Variants in PLA2R1 observed in about 807,000 individuals in gnomAD.
The protein encoded by PLA2R1 is secretory phospholipase A2 receptor.
Under a neutral mutation model 195.9 loss-of-function variants are expected in PLA2R1, and 158 were observed. The observed-to-expected ratio is 0.81, with a 90% CI of 0.71 to 0.92. The LOEUF (loss-of-function observed/expected upper bound fraction) is 0.92, where lower values mean the gene tolerates loss of function less well. Ranked by LOEUF, PLA2R1 falls within the 40% of genes least tolerant of loss-of-function variation. PLA2R1 has a pLI of 0.00. For synonymous variants in PLA2R1, 586 were observed against 598.2 expected (o/e 0.98, Z 0.30); for missense variants, 1,626 against 1,764.6 (o/e 0.92, Z 1.41).
intron 23 of PLA2R1, among the ~76,000 whole-genome samples, chr2:159,952,013 C>T (rs1687774211): frequency 6.6e-6 from 1 of 152,182 alleles, no homozygotes; most frequent in Admixed American, 6.5e-5. Context: ...CCTAATATTA[C>T]AGGTGCATAT....
chr2:160,050,481 ATATC>A (rs1035176957), intron 1 of PLA2R1, among the ~76,000 whole-genome samples: 2 of 152,120 alleles, frequency 1.3e-5, no homozygotes, highest in African/African-American at 2.4e-5. Flanking sequence ...TAGAAGTTTT[ATATC>A]TATCTACTAT....
At position 160,028,249 on chromosome 2, in the gene PLA2R1, T is replaced by C; in HGVS notation, c.1068A>G (p.Lys356=). 2.5e-6 allele frequency: 4 copies of C among 1,601,846 alleles called. No homozygotes were observed. The highest frequency in any genetic ancestry group is 2.6e-6 in the Non-Finnish European group (3 of 1,173,810). The change falls in exon 6 of 30, where the codon AAA becomes AAG. Residue 356 remains lysine (K), a synonymous_variant. Transcript: ENST00000283243. ...CESTLPYICK[K]YLNHIDHEIV... is the part of the protein sequence containing the mutation. The stretch of plus-strand genomic sequence containing the variant: ...TTTCATGATCAATGTGGTTTAGATA[T>C]TTTTTACATATATATGGCAAGGTGG...
chr2:160,056,212 TAGC>T (rs1695529305), intron 1 of PLA2R1, among the ~76,000 whole-genome samples: 2 of 152,176 alleles, frequency 1.3e-5, no homozygotes, highest in Non-Finnish European at 2.9e-5. Context: ...GGGGGAAATG[TAGC>T]AGCATGTCAT....
chr2:160,016,801 T>G, intron 8 of PLA2R1, 89 bp from the exon 9 acceptor site: 4 of 689,100 alleles, frequency 5.8e-6, no homozygotes, highest in Non-Finnish European at 5.3e-6. Flanking sequence ...ATATGATGAA[T>G]AATGTGCTCC....
At chr2:159,975,290 G>A (rs1203842335) in intron 17 of PLA2R1, among the ~76,000 whole-genome samples, 1 of 151,864 alleles carries the variant, frequency 6.6e-6, no homozygotes, top group Non-Finnish European at 1.5e-5. Flanking sequence ...ATACATTTTT[G>A]CATCTTTGAC....
At chr2:159,990,396 C>T (rs568231748) in intron 11 of PLA2R1, among the ~76,000 whole-genome samples, 1 of 152,310 alleles carries the variant, frequency 6.6e-6, no homozygotes, top group African/African-American at 2.4e-5. Flanking sequence ...ACCAAGTTAT[C>T]TATGCAAAAT....
In PLA2R1 at chr2:159,987,151, A is replaced by G; in HGVS notation, c.2037+5T>C. On this transcript the variant is annotated splice_donor_5th_base_variant and intron_variant, in intron 12 of 29. Transcript: ENST00000283243. ...TTAAGAATGTCCATGTAACCTTGGT[A>G]TCACCTTGAAGCAACTGGCCAGACC... The G allele has an allele frequency of 6.2e-7, 1 of 1,603,712 alleles. No individual in the cohort carries two copies.
chr2:159,981,761 G>A (rs1037071175), intron 13 of PLA2R1, among the ~76,000 whole-genome samples: 1 of 152,142 alleles, frequency 6.6e-6, no homozygotes, highest in African/African-American at 2.4e-5. Context: ...CCAGGCTGGA[G>A]TGCAGTGGCA....
intron 10 of PLA2R1, among the ~76,000 whole-genome samples, chr2:160,011,027 T>TA (rs1692324194): frequency 6.6e-6 from 1 of 152,246 alleles, no homozygotes; most frequent in African/African-American, 2.4e-5. Context: ...CAAACTTCTC[T>TA]ATGCCATAGT....
At chr2:159,959,684 C>T (rs1464123818) in intron 20 of PLA2R1, among the ~76,000 whole-genome samples, 1 of 152,088 alleles carries the variant, frequency 6.6e-6, no homozygotes, top group African/African-American at 2.4e-5. Context: ...TGGTCCTTTC[C>T]CAGTGTTCCT....
chr2:159,963,031 T>C (rs897057333), intron 20 of PLA2R1, among the ~76,000 whole-genome samples: 8 of 152,034 alleles, frequency 5.3e-5, no homozygotes, highest in South Asian at 2.1e-4. Context: ...TTAAAGTATA[T>C]AAAAAAATCC....
At chr2:160,003,528 T>C (rs1291533521) in intron 11 of PLA2R1, among the ~76,000 whole-genome samples, 3 of 152,074 alleles carry the variant, frequency 2.0e-5, no homozygotes, top group Non-Finnish European at 4.4e-5. Context: ...ACAAAATGTA[T>C]AGAACAAATA....
intron 3 of PLA2R1, among the ~76,000 whole-genome samples, chr2:160,041,296 A>G (rs1203494891): frequency 6.6e-6 from 1 of 152,232 alleles, no homozygotes; most frequent in Non-Finnish European, 1.5e-5. Flanking sequence ...AAGGGAAAGG[A>G]AATTGAATAT....
chr2:159,946,193 C>G, intron 27 of PLA2R1: 1 of 891,746 alleles, frequency 1.1e-6, no homozygotes, highest in Non-Finnish European at 1.3e-6. Flanking sequence ...TCACCATCTG[C>G]TTGAAATTCT....
intron 24 of PLA2R1, 90 bp from the exon 25 acceptor site, chr2:159,949,866 G>T: frequency 9.8e-7 from 1 of 1,024,036 alleles, no homozygotes; most frequent in Non-Finnish European, 1.5e-6. Context: ...TTCCCACATC[G>T]ATTGCTATTT....
intron 1 of PLA2R1, among the ~76,000 whole-genome samples, chr2:160,062,032 A>AGCCCCCCC (rs1695990794): frequency 6.6e-6 from 1 of 151,978 alleles, no homozygotes; most frequent in African/African-American, 2.4e-5. Context: ...TGCGAGACCA[A>AGCCCCCCC]GCCCCCCCGC....
intron 4 of PLA2R1, among the ~76,000 whole-genome samples, chr2:160,032,344 G>C (rs1443860438): frequency 6.6e-6 from 1 of 152,176 alleles, no homozygotes; most frequent in African/African-American, 2.4e-5. Flanking sequence ...TTTTTAAAGA[G>C]GTGAATGTAC....
chr2:159,999,928 T>C (rs1691478031), intron 11 of PLA2R1, among the ~76,000 whole-genome samples: 1 of 152,254 alleles, frequency 6.6e-6, no homozygotes, highest in South Asian at 2.1e-4. Flanking sequence ...CTAGTTGAAA[T>C]GCTGGATAAA....
intron 11 of PLA2R1, among the ~76,000 whole-genome samples, chr2:159,996,651 CT>C (rs1365951328): frequency 2.6e-5 from 4 of 152,010 alleles, no homozygotes; most frequent in East Asian, 3.9e-4. Context: ...TTATTTCTTT[CT>C]TTTCCTTCTG....
Sources: allele counts gnomAD v4.1 joint callset (sites outside exome capture counted in the v4.1 genomes callset), GRCh38; gene constraint gnomAD v4.1.1; transcripts MANE v1.5; gene names NCBI Gene and HGNC (gene_info 2026-07-23, HGNC 2026-07-21).